RAD51B: variants seen among roughly 807,000 people sequenced by gnomAD.
RAD51B encodes the protein DNA repair protein RAD51 homolog 2.
A neutral mutation model predicts 42.2 loss-of-function variants in RAD51B; 38 were observed. That is an observed-to-expected ratio of 0.90 (90% CI 0.70 to 1.18). The LOEUF (loss-of-function observed/expected upper bound fraction) is 1.18, where lower values mean the gene tolerates loss of function less well. Among genes scored for constraint, RAD51B ranks in the 50% most tolerant of loss-of-function variants. The probability of loss-of-function intolerance (pLI) is 0.00; values close to 1 mark genes in which losing one functional copy is unlikely to be tolerated. For synonymous variants in RAD51B, 154 were observed against 145.2 expected, an observed-to-expected ratio of 1.06 and a Z score of -0.43; for missense variants, 373 against 400.7, an observed-to-expected ratio of 0.93 and a Z score of 0.59.
intron 7 of RAD51B, among the ~76,000 whole-genome samples, chr14:68,153,934 T>C (rs2078444751): frequency 6.6e-6 from 1 of 152,232 alleles, no homozygotes; most frequent in Admixed American, 6.5e-5. Context: ...TGTTTAAGCA[T>C]TGTGGGGGAG....
At chr14:67,945,766 C>G (rs1475176496) in intron 7 of RAD51B, among the ~76,000 whole-genome samples, 1 of 152,144 alleles carries the variant, frequency 6.6e-6, no homozygotes, top group Non-Finnish European at 1.5e-5. Context: ...CTACCATGCC[C>G]AGCCCAGACC....
intron 8 of RAD51B, among the ~76,000 whole-genome samples, chr14:68,410,945 G>GC (rs905856938): frequency 2.0e-5 from 3 of 151,926 alleles, no homozygotes; most frequent in Non-Finnish European, 4.4e-5. Context: ...TGTATACGGG[G>GC]GGGTGGGAGG....
intron 9 of RAD51B, among the ~76,000 whole-genome samples, chr14:68,437,573 A>C (rs2085176486): frequency 6.6e-6 from 1 of 152,162 alleles, no homozygotes; most frequent in Non-Finnish European, 1.5e-5. Flanking sequence ...TTTATGTTGA[A>C]CACCTCCCCT....
At chr14:68,075,244 G>A (rs1223308363) in intron 7 of RAD51B, among the ~76,000 whole-genome samples, 1 of 152,156 alleles carries the variant, frequency 6.6e-6, no homozygotes, top group Admixed American at 6.5e-5. Flanking sequence ...AGAAAGACAG[G>A]CCTCTTCCTT....
intron 7 of RAD51B, among the ~76,000 whole-genome samples, chr14:68,043,631 T>G (rs2076250874): frequency 6.6e-6 from 1 of 152,232 alleles, no homozygotes. Flanking sequence ...CCAGACTACT[T>G]CCCTGGCTTG....
intron 8 of RAD51B, among the ~76,000 whole-genome samples, chr14:68,406,275 C>T (rs935457099): frequency 4.6e-5 from 7 of 152,124 alleles, no homozygotes; most frequent in Non-Finnish European, 1.0e-4. Context: ...ATTGTGTGAA[C>T]ATCATAGAAT....
At chr14:68,099,664 C>G (rs2077255944) in intron 7 of RAD51B, among the ~76,000 whole-genome samples, 1 of 152,144 alleles carries the variant, frequency 6.6e-6, no homozygotes, top group African/African-American at 2.4e-5. Flanking sequence ...AAGAGCATTC[C>G]TAAGAAAACT....
intron 9 of RAD51B, among the ~76,000 whole-genome samples, chr14:68,435,275 G>A (rs771022503): frequency 1.3e-4 from 20 of 152,128 alleles, no homozygotes; most frequent in Middle Eastern, 3.4e-3. Context: ...GAGAACATGC[G>A]GTATTTGGTT....
At chr14:68,514,794 G>C (rs1242174544) in intron 10 of RAD51B, among the ~76,000 whole-genome samples, 1 of 152,190 alleles carries the variant, frequency 6.6e-6, no homozygotes, top group Non-Finnish European at 1.5e-5. Context: ...GGGGAGATTT[G>C]TTTTCAACTC....
chr14:68,238,304 G>GT (rs1041228890), intron 7 of RAD51B, among the ~76,000 whole-genome samples: 21 of 151,774 alleles, frequency 1.4e-4, no homozygotes, highest in African/African-American at 4.6e-4. Context: ...TTGTTTTGTT[G>GT]TTTTTTTGTT....
chr14:67,822,462 A>C (rs1025725270), intron 1 of RAD51B: 15 of 152,358 alleles, frequency 9.8e-5, no homozygotes, highest in African/African-American at 3.6e-4. Context: ...GGATCACTTG[A>C]GCCCAGGAGT....
At chr14:68,428,688 G>C (rs28462329) in intron 9 of RAD51B, among the ~76,000 whole-genome samples, 2 of 130,844 alleles carry the variant, frequency 1.5e-5, no homozygotes, top group African/African-American at 6.1e-5. Flanking sequence ...CATCCATGTT[G>C]CATATGGCAG....
At chr14:68,334,337 A>G (rs1328665730) in intron 8 of RAD51B, among the ~76,000 whole-genome samples, 1 of 152,242 alleles carries the variant, frequency 6.6e-6, no homozygotes, top group Non-Finnish European at 1.5e-5. Context: ...TAGAGAAAAG[A>G]AAATGTTATT....
chr14:68,119,606 A>T (rs896612552), intron 7 of RAD51B, among the ~76,000 whole-genome samples: 22 of 148,900 alleles, frequency 1.5e-4, no homozygotes, highest in African/African-American at 4.8e-4. Flanking sequence ...ACTGAGAATG[A>T]TGATTTCCAA....
chr14:68,536,183 A>G (rs1358067432), intron 10 of RAD51B, among the ~76,000 whole-genome samples: 1 of 152,132 alleles, frequency 6.6e-6, no homozygotes, highest in East Asian at 1.9e-4. Flanking sequence ...TTCACCTTCC[A>G]TTGAAGGGAG....
intron 7 of RAD51B, among the ~76,000 whole-genome samples, chr14:68,210,051 C>T (rs1288705993): frequency 6.6e-6 from 1 of 151,908 alleles, no homozygotes; most frequent in East Asian, 1.9e-4. Flanking sequence ...CCTCCGCCAC[C>T]CGGGTTCAAG....
chr14:68,318,158 T>G (rs1205865684), intron 8 of RAD51B, among the ~76,000 whole-genome samples: 1 of 152,210 alleles, frequency 6.6e-6, no homozygotes, highest in East Asian at 1.9e-4. Flanking sequence ...ATTCCTGTGA[T>G]TAAAAAACGT....
At position 68,072,079 on chromosome 14, in the gene RAD51B, A is replaced by ATATATATAAT. The variant is rs1566622975; in HGVS notation, c.756+184884_756+184885insTTATATATAA. 1.9e-5 allele frequency among the ~76,000 whole-genome samples: 2 copies of ATATATATAAT among 108,000 alleles called. 1 individual carries two copies. Among genetic ancestry groups the ATATATATAAT allele is most frequent in the African/African-American group, 8.5e-5 (2 of 23,558 alleles). 70.9% of individuals were successfully genotyped at this position (108,000 alleles called of 152,430 possible). ...TATATATATTTATATAAATATATAA[A>ATATATATAAT]TATATATAAATATATAATATATAAA... On this transcript the variant is annotated intron_variant, in intron 7 of 10. Transcript: ENST00000471583.
At chr14:67,914,099 C>T (rs1167952243) in intron 7 of RAD51B, among the ~76,000 whole-genome samples, 2 of 152,074 alleles carry the variant, frequency 1.3e-5, no homozygotes, top group South Asian at 4.1e-4. Flanking sequence ...TCTCTTGCCT[C>T]AGCCTCCAGA....
Sources: allele counts gnomAD v4.1 joint callset (sites outside exome capture counted in the v4.1 genomes callset), GRCh38; gene constraint gnomAD v4.1.1; transcripts MANE v1.5; gene names NCBI Gene and HGNC (gene_info 2026-07-23, HGNC 2026-07-21).